Variants in PAPOLG observed in about 807,000 individuals in gnomAD.
PAPOLG encodes the protein PAP-gamma.
A neutral mutation model predicts 99.0 loss-of-function variants in PAPOLG; 40 were observed. That is an observed-to-expected ratio of 0.40 (90% CI 0.31 to 0.53). PAPOLG has a LOEUF of 0.53. Among genes scored for constraint, PAPOLG ranks in the 20% least tolerant of loss-of-function variants. The probability of loss-of-function intolerance (pLI) is 0.41; values close to 1 mark genes in which losing one functional copy is unlikely to be tolerated. For synonymous variants in PAPOLG, 310 were observed against 299.3 expected (o/e 1.04, Z -0.37); for missense variants, 675 against 884.1 (o/e 0.76, Z 3.00).
rs565149686 is a variant in PAPOLG at position 60,794,281 on chromosome 2, G to C, written c.1989+90G>C. 4 of 1,282,354 alleles carry C rather than the reference G, an allele frequency of 3.1e-6. No individual in the cohort carries two copies. The Admixed American group carries it at 1.1e-4, about 37-fold the overall frequency. The allele number at this position is 1,282,354 out of a possible 1,614,324, so 79.4% of individuals were successfully genotyped here. A position where few individuals can be genotyped will look rare whatever the true frequency, so the allele number is the denominator to read the frequency against. The stretch of plus-strand genomic sequence containing the variant: ...AATTTTCCATAGCTGTTGGTGTTCT[G>C]TTAGGAGTTGGCTGAAAAGAATATT... On this transcript the variant is annotated intron_variant, in intron 19 of 21. Coordinates refer to ENST00000238714, the MANE Select transcript of PAPOLG (RefSeq NM_022894.4).
chr2:60,796,318 G>A (rs1178350085), intron 21 of PAPOLG, among the ~76,000 whole-genome samples: 3 of 131,946 alleles, frequency 2.3e-5, no homozygotes, highest in Non-Finnish European at 4.7e-5. Flanking sequence ...TTTTGTATTT[G>A]TAGTGGAAAA....
intron 15 of PAPOLG, 134 bp downstream of exon 15, chr2:60,787,754 G>A (rs1015291849): frequency 1.2e-5 from 14 of 1,217,342 alleles, no homozygotes; most frequent in Non-Finnish European, 1.0e-5. Context: ...CCGTATTGCT[G>A]TTAAAACAGG....
At chr2:60,782,453 A>G (rs1671217601) in intron 11 of PAPOLG, among the ~76,000 whole-genome samples, 1 of 151,838 alleles carries the variant, frequency 6.6e-6, no homozygotes, top group Non-Finnish European at 1.5e-5. Context: ...GCTACTCAGG[A>G]GCCTGGGGCA....
rs57528783 is a variant in PAPOLG at position 60,799,604 on chromosome 2, G to GTTTGTTTTGT, written c.*2472_*2481dup. 0.058 allele frequency: 8,740 copies of GTTTGTTTTGT among 150,292 alleles called. 292 individuals carry two copies. Among genetic ancestry groups the GTTTGTTTTGT allele is most frequent in the South Asian group, 0.065 (307 of 4,734 alleles). The allele number at this position is 150,292 out of a possible 1,614,324, so 9.3% of individuals were successfully genotyped here. On this transcript the variant is annotated 3_prime_UTR_variant, in exon 22 of 22. Coordinates refer to ENST00000238714, the MANE Select transcript of PAPOLG (RefSeq NM_022894.4). ...ATGATGAGAGGCACTAAGTACATGT[G>GTTTGTTTTGT]TTTGTTTTGTTTTGTTTTGTTTTGT...
At chr2:60,784,567 T>C (rs926368913) in intron 13 of PAPOLG, among the ~76,000 whole-genome samples, 1 of 152,212 alleles carries the variant, frequency 6.6e-6, no homozygotes, top group East Asian at 1.9e-4. Flanking sequence ...ACAGCAATAC[T>C]GTTTTATTTT....
chr2:60,779,409 A>C (rs1218804420), intron 8 of PAPOLG: 3 of 447,684 alleles, frequency 6.7e-6, no homozygotes, highest in African/African-American at 5.9e-5. Context: ...AAGGAGGGTA[A>C]GATTAGCAAT....
intron 13 of PAPOLG, among the ~76,000 whole-genome samples, chr2:60,783,887 T>G (rs1671278533): frequency 6.6e-6 from 1 of 152,236 alleles, no homozygotes; most frequent in African/African-American, 2.4e-5. Flanking sequence ...AGATGTTGCT[T>G]CTTATTGCTT....
intron 2 of PAPOLG, among the ~76,000 whole-genome samples, 199 bp downstream of exon 2, chr2:60,760,494 T>C (rs907740720): frequency 1.3e-5 from 2 of 152,178 alleles, no homozygotes; most frequent in Non-Finnish European, 2.9e-5. Flanking sequence ...ATGACACTCA[T>C]GAGTAATATT....
In PAPOLG at chr2:60,797,526, G is replaced by GTTTTTTT. The variant is rs766458681; in HGVS notation, c.*371_*372insTTTTTTT. 2 of 169,656 alleles carry GTTTTTTT rather than the reference G, an allele frequency of 1.2e-5. No individual in the cohort carries two copies. The highest frequency in any genetic ancestry group is 2.5e-5 in the Non-Finnish European group (2 of 80,354). The allele number at this position is 169,656 out of a possible 1,614,324, so 10.5% of individuals were successfully genotyped here. ...ACTCCTTTTTTGTTTTGTTTTTTGT[G>GTTTTTTT]TTTTTCTTTTTTTGTCTTATGTTGT... On this transcript the variant is annotated 3_prime_UTR_variant, in exon 22 of 22. Transcript: ENST00000238714.
At chr2:60,759,306 T>TTAATTAA (rs1670452103) in intron 1 of PAPOLG, among the ~76,000 whole-genome samples, 1 of 151,350 alleles carries the variant, frequency 6.6e-6, no homozygotes, top group Admixed American at 6.6e-5. Context: ...AGGCAGAGGT[T>TTAATTAA]GCAGTGAGCT....
chr2:60,800,805 G>A lies in PAPOLG; in HGVS notation c.*3645G>A, dbSNP rs1671821225. ...GCAAAAGTATGGGAGTTAGGGTTAG[G>A]AACCACCAGGATTGAATAATCCTGG... On this transcript the variant is annotated 3_prime_UTR_variant, in exon 22 of 22. Transcript: ENST00000238714. The A allele has an allele frequency of 6.6e-6, 1 of 152,186 alleles. No individual in the cohort carries two copies. Among genetic ancestry groups the A allele is most frequent in the South Asian group, 2.1e-4 (1 of 4,822 alleles). 9.4% of individuals were successfully genotyped at this position (152,186 alleles called of 1,614,324 possible). A position where few individuals can be genotyped will look rare whatever the true frequency, so the allele number is the denominator to read the frequency against.
intron 3 of PAPOLG, among the ~76,000 whole-genome samples, chr2:60,766,692 A>C (rs1670685419): frequency 6.6e-6 from 1 of 151,576 alleles, no homozygotes; most frequent in South Asian, 2.1e-4. Context: ...AAAAAAAAAA[A>C]AAACCCAAAA....
At chr2:60,757,688 A>G (rs1670389491) in intron 1 of PAPOLG, among the ~76,000 whole-genome samples, 1 of 152,102 alleles carries the variant, frequency 6.6e-6, no homozygotes, top group South Asian at 2.1e-4. Context: ...GTTAGTGACT[A>G]TTTTATTTCT....
At chr2:60,793,101 A>T (rs1319265529) in intron 17 of PAPOLG, among the ~76,000 whole-genome samples, 1 of 149,320 alleles carries the variant, frequency 6.7e-6, no homozygotes, top group Admixed American at 6.7e-5. Context: ...GCTACCTGGG[A>T]GGCCAAGGTG....
In PAPOLG at chr2:60,797,081, T is replaced by TA. The variant is rs1671731933; in HGVS notation, c.2133dup (p.Pro712ThrfsTer24). 1.2e-6 allele frequency: 2 copies of TA among 1,612,676 alleles called. No homozygotes were observed. The highest frequency in any genetic ancestry group is 1.7e-6 in the Non-Finnish European group (2 of 1,178,672). ...TAATAGAGACTACCCAGTAAAGAAC[T>TA]ACCAGATTCATCATCTCCAGTTCCA... On this transcript the variant is annotated frameshift_variant, in exon 22 of 22. Coordinates refer to ENST00000238714, the MANE Select transcript of PAPOLG (RefSeq NM_022894.4). LOFTEE classifies it high-confidence loss of function.
rs968821049 is a variant in PAPOLG, at chr2:60,800,250, A to C, written c.*3090A>C. The stretch of plus-strand genomic sequence containing the variant: ...ACCCAGTCTGGAGCACAGTGGCATG[A>C]TCTCACCTCACTGCAACCTCTGCCT... On this transcript the variant is annotated 3_prime_UTR_variant, in exon 22 of 22. Coordinates refer to ENST00000238714, the MANE Select transcript of PAPOLG (RefSeq NM_022894.4). 1 of 152,154 alleles carries C rather than the reference A, an allele frequency of 6.6e-6. No homozygotes were observed. The highest frequency in any genetic ancestry group is 2.4e-5 in the African/African-American group (1 of 41,424). 9.4% of individuals were successfully genotyped at this position (152,154 alleles called of 1,614,324 possible). A position where few individuals can be genotyped will look rare whatever the true frequency, so the allele number is the denominator to read the frequency against.
chr2:60,785,250 T>C (rs1370788064), intron 13 of PAPOLG, among the ~76,000 whole-genome samples: 2 of 152,116 alleles, frequency 1.3e-5, no homozygotes, highest in South Asian at 2.1e-4. Flanking sequence ...GCCATTCTCC[T>C]GCCTCAGCCT....
At chr2:60,770,020 T>G (rs531446403) in intron 5 of PAPOLG, among the ~76,000 whole-genome samples, 1 of 151,742 alleles carries the variant, frequency 6.6e-6, no homozygotes, top group South Asian at 2.1e-4. Context: ...ACATGCTGTG[T>G]TTGGTTTTCT....
At chr2:60,786,222 TTTTTA>T (rs1671357717) in intron 13 of PAPOLG, among the ~76,000 whole-genome samples, 1 of 152,056 alleles carries the variant, frequency 6.6e-6, no homozygotes, top group South Asian at 2.1e-4. Context: ...TGGGCTGAAA[TTTTTA>T]TTTTATTTAT....
Sources: gnomAD v4.1 joint callset for allele counts (sites outside exome capture counted in the v4.1 genomes callset) on GRCh38, gnomAD v4.1.1 for gene constraint, MANE v1.5 for transcripts, NCBI Gene and HGNC (gene_info 2026-07-23, HGNC 2026-07-21) for gene names.